BEND6: variants seen among roughly 807,000 people sequenced by gnomAD.
BEND6 encodes the protein BEN domain-containing protein 6.
Under a neutral mutation model 31.8 loss-of-function variants are expected in BEND6, and 24 were observed. The ratio of observed to expected loss-of-function variants is 0.75; its 90% CI spans 0.55 to 1.06. The LOEUF is 1.06. Among genes scored for constraint, BEND6 ranks in the 50% least tolerant of loss-of-function variants. The probability of loss-of-function intolerance (pLI) is 0.00; values close to 1 mark genes in which losing one functional copy is unlikely to be tolerated. For missense variants in BEND6, 294 were observed against 327.4 expected, an observed-to-expected ratio of 0.90 and a Z score of 0.79; for synonymous variants, 109 against 114.6, an observed-to-expected ratio of 0.95 and a Z score of 0.31.
intron 3 of BEND6, among the ~76,000 whole-genome samples, chr6:57,011,715 CAAAAAAAAAAAAAAAAAAAA>C (rs1273540050): frequency 8.8e-5 from 3 of 34,112 alleles, no homozygotes; most frequent in Non-Finnish European, 1.2e-4. Context: ...GGCCCTGTCT[CAAAAAAAAAAAAAAAAAAAA>C]GAAAAAAAAA....
chr6:56,980,072 T>C (rs955822171), intron 1 of BEND6, among the ~76,000 whole-genome samples: 2 of 152,218 alleles, frequency 1.3e-5, no homozygotes, highest in African/African-American at 2.4e-5. Flanking sequence ...TCACCTATTA[T>C]TGTGGACCAC....
intron 1 of BEND6, among the ~76,000 whole-genome samples, chr6:56,956,370 A>G (rs905303277): frequency 1.3e-5 from 2 of 152,232 alleles, no homozygotes; most frequent in African/African-American, 4.8e-5. Context: ...TTGTTTTCCA[A>G]CTATACAAAA....
Position 57,012,039 on chromosome 6 carries a change from C to T in BEND6, c.299-3094C>T, listed in dbSNP as rs766380748. The stretch of plus-strand genomic sequence containing the variant: ...ACTTGGGAGGCTGAGGCCAAAGGAT[C>T]GCTTGAACCTGGGAGGCGGAGGTTG... On this transcript the variant is annotated intron_variant, in intron 3 of 6. Coordinates refer to ENST00000370746, the MANE Select transcript of BEND6 (RefSeq NM_152731.3). Among the ~76,000 whole-genome samples the T allele has an allele frequency of 5.3e-5, 8 of 151,892 alleles. No individual in the cohort carries two copies. The East Asian group carries it at 9.7e-4, about 18-fold the overall frequency.
At chr6:57,003,600 C>T (rs1827029400) in intron 3 of BEND6, among the ~76,000 whole-genome samples, 1 of 152,074 alleles carries the variant, frequency 6.6e-6, no homozygotes, top group African/African-American at 2.4e-5. Context: ...TTCTACCAGA[C>T]ATGCAAAGAG....
intron 2 of BEND6, among the ~76,000 whole-genome samples, chr6:56,986,122 CTTT>C (rs1156875787): frequency 6.6e-6 from 1 of 151,998 alleles, no homozygotes; most frequent in Non-Finnish European, 1.5e-5. Context: ...ATAATTTTTT[CTTT>C]AAGATTTATA....
At chr6:56,995,802 T>C (rs1020243246) in intron 3 of BEND6, among the ~76,000 whole-genome samples, 3 of 152,194 alleles carry the variant, frequency 2.0e-5, no homozygotes, top group African/African-American at 4.8e-5. Context: ...TCTGAGGTAA[T>C]AGGGGTTAGT....
chr6:56,979,665 A>G (rs1260484064), intron 1 of BEND6, among the ~76,000 whole-genome samples: 3 of 152,234 alleles, frequency 2.0e-5, no homozygotes, highest in Admixed American at 2.0e-4. Flanking sequence ...TTGGCTTACA[A>G]AAAGTTGTAC....
chr6:57,004,472 C>T (rs1023237521), intron 3 of BEND6: 61 of 637,316 alleles, frequency 9.6e-5, no homozygotes, highest in Middle Eastern at 4.3e-4. Flanking sequence ...CTCCTCACCG[C>T]GCCCTGGGAC....
At chr6:56,968,968 G>T (rs553116819) in intron 1 of BEND6, among the ~76,000 whole-genome samples, 5 of 151,866 alleles carry the variant, frequency 3.3e-5, no homozygotes, top group Non-Finnish European at 5.9e-5. Flanking sequence ...CTAGCTACTC[G>T]GGAGGCTGAG....
intron 2 of BEND6, 58 bp downstream of exon 2, chr6:56,981,988 GTTTC>G: frequency 6.6e-7 from 1 of 1,517,052 alleles, no homozygotes; most frequent in East Asian, 2.4e-5. Flanking sequence ...TAATTTCATG[GTTTC>G]TTTCATAATT....
chr6:57,014,309 G>T (rs1308884541), intron 3 of BEND6, among the ~76,000 whole-genome samples: 1 of 152,060 alleles, frequency 6.6e-6, no homozygotes, highest in Non-Finnish European at 1.5e-5. Flanking sequence ...TTCTAAAATT[G>T]TAGCTCAATA....
intron 1 of BEND6, among the ~76,000 whole-genome samples, chr6:56,972,412 A>G (rs1365499257): frequency 6.6e-6 from 1 of 152,012 alleles, no homozygotes; most frequent in Non-Finnish European, 1.5e-5. Context: ...GTTTCCTTAT[A>G]AGAATTTTAT....
chr6:57,025,630 G>A (rs1827877383), intron 6 of BEND6, among the ~76,000 whole-genome samples: 1 of 152,236 alleles, frequency 6.6e-6, no homozygotes, highest in Admixed American at 6.5e-5. Flanking sequence ...GGTGCCTCAA[G>A]ATGATGAGGA....
chr6:56,962,020 A>G (rs1423211545), intron 1 of BEND6, among the ~76,000 whole-genome samples: 6 of 152,168 alleles, frequency 3.9e-5, no homozygotes, highest in Admixed American at 6.5e-5. Context: ...GACCTTTGAG[A>G]GGTGATTAGA....
chr6:57,009,067 T>C (rs1827260653), intron 3 of BEND6: 1 of 151,870 alleles, frequency 6.6e-6, no homozygotes, highest in Non-Finnish European at 1.5e-5. Flanking sequence ...ATACGGAAGC[T>C]AAAAAGAAAA....
chr6:57,008,207 C>T (rs1301919946), intron 3 of BEND6: 1 of 702,822 alleles, frequency 1.4e-6, no homozygotes, highest in African/African-American at 1.7e-5. Flanking sequence ...GCCTTAGACT[C>T]TCCAATGAAT....
chr6:57,011,758 A>AAAAG lies in BEND6; in HGVS notation c.299-3359_299-3356dup, dbSNP rs780760974. Among the ~76,000 whole-genome samples, 394 of 150,800 alleles carry AAAAG rather than the reference A, an allele frequency of 2.6e-3. 3 individuals are homozygous for AAAAG. In the East Asian group the frequency reaches 0.033, roughly 13 times the overall value. On this transcript the variant is annotated intron_variant, in intron 3 of 6. Coordinates refer to ENST00000370746, the MANE Select transcript of BEND6 (RefSeq NM_152731.3). ...AAAGAAAAAAAAAGAAAAGAAAAGA[A>AAAAG]AAAGAAAGAAAGAAAGAAAAGAAAA... is the stretch of plus-strand genomic sequence containing the variant.
intron 1 of BEND6, among the ~76,000 whole-genome samples, chr6:56,971,231 G>A (rs1825677614): frequency 6.6e-6 from 1 of 152,048 alleles, no homozygotes; most frequent in Non-Finnish European, 1.5e-5. Context: ...ATATAATATT[G>A]GTATTTTTGG....
At chr6:56,988,901 C>G (rs962936637) in intron 2 of BEND6, among the ~76,000 whole-genome samples, 1 of 151,972 alleles carries the variant, frequency 6.6e-6, no homozygotes, top group Non-Finnish European at 1.5e-5. Context: ...CATGCTGGCG[C>G]GTGCCTGAAA....
Sources: allele counts gnomAD v4.1 joint callset (sites outside exome capture counted in the v4.1 genomes callset), GRCh38; gene constraint gnomAD v4.1.1; transcripts MANE v1.5; gene names NCBI Gene and HGNC (gene_info 2026-07-23, HGNC 2026-07-21).